The following DNAAF9 variants were observed in gnomAD, a reference collection of about 807,000 sequenced individuals.
The protein encoded by DNAAF9 is shulin.
DNAAF9 carries 90 observed loss-of-function variants against 167.0 expected under a neutral mutation model. That is an observed-to-expected ratio of 0.54 (90% CI 0.45 to 0.64). The LOEUF (loss-of-function observed/expected upper bound fraction) is 0.64. Among genes scored for constraint, DNAAF9 ranks in the 30% least tolerant of loss-of-function variants. DNAAF9 has a pLI of 0.00. For missense variants in DNAAF9, 1,315 were observed against 1,442.2 expected (o/e 0.91, Z 1.43); for synonymous variants, 491 against 508.8 (o/e 0.96, Z 0.47).
chr20:3,334,182 G>GA (rs1269998486), intron 10 of DNAAF9, among the ~76,000 whole-genome samples: 1 of 152,116 alleles, frequency 6.6e-6, no homozygotes, highest in Admixed American at 6.6e-5. Context: ...CATACCAAGG[G>GA]AATGCTCAAA....
At chr20:3,358,008 A>C (rs1238639899) in intron 7 of DNAAF9, among the ~76,000 whole-genome samples, 2 of 151,966 alleles carry the variant, frequency 1.3e-5, no homozygotes, top group East Asian at 3.9e-4. Context: ...CCCTGTCTCT[A>C]AAAATATATA....
At chr20:3,295,945 G>C (rs2069068197) in intron 23 of DNAAF9, 1 of 1,580,158 alleles carries the variant, frequency 6.3e-7, no homozygotes, top group South Asian at 1.1e-5. Context: ...CTGTCTCTGT[G>C]ATGTTGGGGT....
At chr20:3,350,496 GA>G (rs1323119164) in intron 7 of DNAAF9, among the ~76,000 whole-genome samples, 1 of 152,138 alleles carries the variant, frequency 6.6e-6, no homozygotes, top group African/African-American at 2.4e-5. Flanking sequence ...GAGAGAGAAA[GA>G]GACAGAAAAT....
chr20:3,332,353 C>T lies in DNAAF9; in HGVS notation c.990G>A (p.Gln330=). ...CAAGAGGTCCCTTTGGTGAGACACA[C>T]TGGGCTACCTGGATGTCAGAAAAAA... is the stretch of plus-strand genomic sequence containing the variant. ...GGSFAKHMVA[Q]CVSPKGPLAC... is the part of the protein sequence containing the mutation. Residue 330 remains glutamine (Q), a synonymous_variant, in exon 11 of 37, where the codon CAG becomes CAA. Coordinates refer to ENST00000252032, the MANE Select transcript of DNAAF9 (RefSeq NM_001009984.3). 2 of 1,590,056 alleles carry T rather than the reference C, an allele frequency of 1.3e-6. No individual in the cohort carries two copies. Among genetic ancestry groups the T allele is most frequent in the Non-Finnish European group, 1.7e-6 (2 of 1,158,708 alleles).
At chr20:3,337,602 T>C (rs1273022162) in intron 10 of DNAAF9, among the ~76,000 whole-genome samples, 1 of 152,170 alleles carries the variant, frequency 6.6e-6, no homozygotes, top group Non-Finnish European at 1.5e-5. Context: ...CACTGATGAC[T>C]GTCTTTTCTC....
At chr20:3,264,141 C>T (rs1489245002) in intron 31 of DNAAF9, among the ~76,000 whole-genome samples, 1 of 152,232 alleles carries the variant, frequency 6.6e-6, no homozygotes, top group Non-Finnish European at 1.5e-5. Flanking sequence ...CTGTGCCAGG[C>T]ACTTTGCCCT....
At chr20:3,373,124 C>G (rs1266249301) in intron 6 of DNAAF9, among the ~76,000 whole-genome samples, 1 of 152,196 alleles carries the variant, frequency 6.6e-6, no homozygotes, top group African/African-American at 2.4e-5. Flanking sequence ...AAGTGGTATG[C>G]TTCCCTTCAG....
intron 7 of DNAAF9, among the ~76,000 whole-genome samples, chr20:3,355,820 A>G (rs759652874): frequency 6.6e-6 from 1 of 152,088 alleles, no homozygotes; most frequent in Non-Finnish European, 1.5e-5. Context: ...ATCAATATTC[A>G]TAATACTGGT....
chr20:3,285,358 G>A (rs1295962582), intron 27 of DNAAF9, among the ~76,000 whole-genome samples: 2 of 151,448 alleles, frequency 1.3e-5, no homozygotes, highest in South Asian at 2.1e-4. Context: ...ACCAGCCTGG[G>A]CAACATAGGG....
At chr20:3,385,635 C>T (rs140135326) in intron 1 of DNAAF9, among the ~76,000 whole-genome samples, 1 of 152,262 alleles carries the variant, frequency 6.6e-6, no homozygotes, top group African/African-American at 2.4e-5. Flanking sequence ...ACTTTGTTGC[C>T]TCCCTAGGCT....
At chr20:3,353,805 C>A (rs2083248694) in intron 7 of DNAAF9, among the ~76,000 whole-genome samples, 1 of 152,100 alleles carries the variant, frequency 6.6e-6, no homozygotes, top group East Asian at 1.9e-4. Flanking sequence ...AATACCAATT[C>A]TCTGCTAACT....
intron 29 of DNAAF9, 77 bp downstream of exon 29, chr20:3,278,835 A>G (rs936859144): frequency 3.8e-6 from 4 of 1,059,042 alleles, no homozygotes; most frequent in Middle Eastern, 4.3e-4. Context: ...GGTAGGTAAG[A>G]GCACGAAGAA....
rs1436014000 is a variant in DNAAF9, at chr20:3,264,621, G to A, written c.2787-97C>T. The A allele has an allele frequency of 1.3e-5, 9 of 710,396 alleles. No individual in the cohort carries two copies. In the Admixed American group the frequency reaches 1.9e-4, roughly 15 times the overall value. 44.0% of individuals were successfully genotyped at this position (710,396 alleles called of 1,614,324 possible). A position where few individuals can be genotyped will look rare whatever the true frequency, so the allele number is the denominator to read the frequency against. On this transcript the variant is annotated intron_variant, in intron 30 of 36. Transcript: ENST00000252032. ...AGTCTCGCTCTGTCGCCAGGCTGGA[G>A]TGCAGTGGTGCAATCTTGGCTCATT... is the stretch of plus-strand genomic sequence containing the variant.
rs202036059 is a variant in DNAAF9, at chr20:3,265,860, AAT to A, written c.2787-1338_2787-1337del. On this transcript the variant is annotated intron_variant, in intron 30 of 36. Coordinates refer to ENST00000252032, the MANE Select transcript of DNAAF9 (RefSeq NM_001009984.3). ...GCCCTGCTAATTTTTGTATTTTTTA[AAT>A]AGAGACAGGGTTTCGCCATGTTGGC... Among the ~76,000 whole-genome samples, 973 of 151,772 alleles carry A rather than the reference AAT, an allele frequency of 6.4e-3. 13 individuals carry two copies. The highest frequency in any genetic ancestry group is 0.022 in the African/African-American group (923 of 41,406).
At position 3,315,716 on chromosome 20, in the gene DNAAF9, G is replaced by A. The variant is rs1160730168; in HGVS notation, c.1590+19C>T. ...TTTTTTGATATAATGTTCACACTGA[G>A]AATAAGAAGGCTGCTTACCCTCACT... On this transcript the variant is annotated intron_variant, in intron 19 of 36. Transcript: ENST00000252032. This position sits in a 1 kb window ranked among gnomAD's most constrained non-coding sequence, Gnocchi z 4.1. The A allele has an allele frequency of 1.1e-5, 18 of 1,594,406 alleles. No homozygotes were observed. The highest frequency in any genetic ancestry group is 1.5e-5 in the Non-Finnish European group (17 of 1,161,972).
chr20:3,336,258 G>GTTTTTTTTTTTTTTTTTT (rs367718705), intron 10 of DNAAF9, among the ~76,000 whole-genome samples: 3 of 113,566 alleles, frequency 2.6e-5, no homozygotes, highest in Admixed American at 9.7e-5. Flanking sequence ...TTGCGTTTTT[G>GTTTTTTTTTTTTTTTTTT]TTTTTTTTTT....
intron 9 of DNAAF9, among the ~76,000 whole-genome samples, chr20:3,342,861 A>G (rs2070114766): frequency 6.6e-6 from 1 of 151,910 alleles, no homozygotes; most frequent in South Asian, 2.1e-4. Context: ...ACACTTTCGA[A>G]CCCTCATTGA....
intron 9 of DNAAF9, 89 bp downstream of exon 9, chr20:3,343,587 G>T: frequency 2.2e-6 from 2 of 925,358 alleles, no homozygotes; most frequent in South Asian, 3.0e-5. Context: ...TCTAGCTTCT[G>T]AACTTGAATG....
intron 1 of DNAAF9, among the ~76,000 whole-genome samples, chr20:3,395,036 C>T (rs1335565098): frequency 7.7e-6 from 1 of 129,374 alleles, no homozygotes; most frequent in Non-Finnish European, 1.6e-5. Flanking sequence ...GGCGCGATCT[C>T]GACTCACTGC....
Sources: allele counts gnomAD v4.1 joint callset (sites outside exome capture counted in the v4.1 genomes callset), GRCh38; gene constraint gnomAD v4.1.1; non-coding constraint Gnocchi (gnomAD v3.1); transcripts MANE v1.5; gene names NCBI Gene and HGNC (gene_info 2026-07-23, HGNC 2026-07-21).